The following BUB1B variants were observed in gnomAD, a reference collection of about 807,000 sequenced individuals.
The protein encoded by BUB1B is BUB1 mitotic checkpoint serine/threonine kinase B, also known as mitotic checkpoint serine/threonine-protein kinase BUB1 beta.
A neutral mutation model predicts 137.7 loss-of-function variants in BUB1B; 86 were observed. The ratio of observed to expected loss-of-function variants is 0.62; its 90% CI spans 0.52 to 0.75. BUB1B has a LOEUF of 0.75. Ranked by LOEUF, BUB1B falls within the 30% of genes least tolerant of loss-of-function variation. The pLI is 0.00. For synonymous variants in BUB1B, 420 were observed against 417.9 expected (o/e 1.00, Z -0.06); for missense variants, 1,130 against 1,236.9 (o/e 0.91, Z 1.30).
At chr15:40,182,341 G>A (rs1392613660) in intron 5 of BUB1B, among the ~76,000 whole-genome samples, 1 of 152,130 alleles carries the variant, frequency 6.6e-6, no homozygotes, top group Non-Finnish European at 1.5e-5. Context: ...TTGTACCCTG[G>A]ACATTTATCC....
chr15:40,169,104 C>T (rs2037132535), intron 2 of BUB1B, among the ~76,000 whole-genome samples: 1 of 152,106 alleles, frequency 6.6e-6, no homozygotes, highest in Non-Finnish European at 1.5e-5. Context: ...AATCATTATC[C>T]AAATTCTGGC....
chr15:40,162,041 G>C (rs1000283837), intron 1 of BUB1B, among the ~76,000 whole-genome samples: 2 of 152,182 alleles, frequency 1.3e-5, no homozygotes, highest in African/African-American at 4.8e-5. Flanking sequence ...CTGTTAGGTG[G>C]AGATGTGGTC....
At chr15:40,200,156 A>G (rs2037546674) in intron 10 of BUB1B, 88 bp from the exon 11 acceptor site, 1 of 886,424 alleles carries the variant, frequency 1.1e-6, no homozygotes, top group Admixed American at 2.0e-5. Context: ...ATGTCTAGGG[A>G]AAGAGTACAG....
At chr15:40,212,215 C>CAGTT (rs1396235449) in intron 18 of BUB1B, among the ~76,000 whole-genome samples, 1 of 152,194 alleles carries the variant, frequency 6.6e-6, no homozygotes, top group Admixed American at 6.5e-5. Context: ...TTGGTGCTGC[C>CAGTT]AGTTATATAG....
chr15:40,194,196 A>G (rs1484446759), intron 8 of BUB1B, among the ~76,000 whole-genome samples: 1 of 152,140 alleles, frequency 6.6e-6, no homozygotes, highest in Non-Finnish European at 1.5e-5. Flanking sequence ...GCAAATGGGT[A>G]AAATAGGTTG....
rs867656424 is a variant in BUB1B, at chr15:40,194,088, T to C, written c.1059-2457T>C. 9.9e-5 allele frequency among the ~76,000 whole-genome samples: 15 copies of C among 152,014 alleles called. 1 individual carries two copies. The Middle Eastern group carries it at 0.014, about 138-fold the overall frequency. On this transcript the variant is annotated intron_variant, in intron 8 of 22. Transcript: ENST00000287598. ...AAGTATTTTACTATTTTTGAAGCTATAGTAAATAGAATTGTTTTCTTAATT... is the reference window on the plus strand; with the variant it reads ...AAGTATTTTACTATTTTTGAAGCTACAGTAAATAGAATTGTTTTCTTAATT...
chr15:40,209,373 G>A (rs1029954582), intron 16 of BUB1B, among the ~76,000 whole-genome samples: 2 of 152,218 alleles, frequency 1.3e-5, no homozygotes, highest in South Asian at 2.1e-4. Context: ...GCAGTGAGCC[G>A]AGATGGCGCC....
chr15:40,206,503 C>G, intron 15 of BUB1B, 45 bp downstream of exon 15: 1 of 1,610,630 alleles, frequency 6.2e-7, no homozygotes, highest in Non-Finnish European at 8.5e-7. Context: ...TGTTTACTCT[C>G]TTATTCTGCA....
intron 9 of BUB1B, among the ~76,000 whole-genome samples, chr15:40,199,214 T>C (rs904330263): frequency 1.3e-5 from 2 of 152,212 alleles, no homozygotes; most frequent in African/African-American, 4.8e-5. Context: ...TCCATCTCCC[T>C]ACCCAGTCAA....
At chr15:40,174,855 T>G (rs1008050198) in intron 4 of BUB1B, among the ~76,000 whole-genome samples, 1 of 152,108 alleles carries the variant, frequency 6.6e-6, no homozygotes, top group Non-Finnish European at 1.5e-5. Context: ...TCCCAGCTAC[T>G]CGGGAGGCTG....
Position 40,201,070 on chromosome 15 carries a change from G to T in BUB1B, c.1567+90G>T, listed in dbSNP as rs1302384193. On this transcript the variant is annotated intron_variant, in intron 12 of 22. Transcript: ENST00000287598. The stretch of plus-strand genomic sequence containing the variant: ...TAAATATTTTTAATTATGATAAAGG[G>T]ATTGAAAGACAGGGGGACTAGGATA... 7 of 1,256,882 alleles carry T rather than the reference G, an allele frequency of 5.6e-6. No individual in the cohort carries two copies. The African/African-American group carries it at 6.0e-5, about 11-fold the overall frequency. The allele number at this position is 1,256,882 out of a possible 1,614,324, so 77.9% of individuals were successfully genotyped here. A position where few individuals can be genotyped will look rare whatever the true frequency, so the allele number is the denominator to read the frequency against.
intron 8 of BUB1B, among the ~76,000 whole-genome samples, chr15:40,187,450 G>T (rs2037381851): frequency 6.6e-6 from 1 of 151,902 alleles, no homozygotes; most frequent in Non-Finnish European, 1.5e-5. Flanking sequence ...AATTAGCTGG[G>T]TATGGTGGTG....
In BUB1B at chr15:40,183,913, CTG is replaced by C. The variant is rs373596965; in HGVS notation, c.751+32_751+33del. The C allele has an allele frequency of 1.9e-5, 31 of 1,607,736 alleles. No homozygotes were observed. In the African/African-American group the frequency reaches 3.8e-4, roughly 20 times the overall value. On this transcript the variant is annotated intron_variant, in intron 6 of 22. Transcript: ENST00000287598. ...GTTTGTTAAACGTTATTTCGGAAAA[CTG>C]TTAGTTTCTAGTGGTAAAATCATGT...
Position 40,208,728 on chromosome 15 carries a change from C to G in BUB1B, c.2101C>G (p.Leu701Val), listed in dbSNP as rs1431772304. 6.2e-7 allele frequency: 1 copy of G among 1,613,590 alleles called. No individual in the cohort carries two copies. Among genetic ancestry groups the G allele is most frequent in the Admixed American group, 1.7e-5 (1 of 60,010 alleles). ...TGCAAGCACCTCCTCCATCAAATGT[C>G]TTCAAATTCCTGAGAAACTAGAACT... ...SVASTSSIKC[L>V]QIPEKLELTN... is the part of the protein sequence containing the mutation. Residue 701 changes from leucine to valine, a missense_variant, in exon 16 of 23, where the codon CTT (leucine) becomes GTT (valine). Physicochemically the swap from Leu to Val is conservative, Grantham distance 32 (BLOSUM62 1). Transcript: ENST00000287598.
At chr15:40,198,726 G>A (rs2037528636) in intron 9 of BUB1B, among the ~76,000 whole-genome samples, 1 of 151,894 alleles carries the variant, frequency 6.6e-6, no homozygotes, top group South Asian at 2.1e-4. Flanking sequence ...AGACTTTTCA[G>A]TCACACTCCA....
chr15:40,200,789 CTTT>C, intron 11 of BUB1B, 139 bp from the exon 12 acceptor site: 1 of 712,582 alleles, frequency 1.4e-6, no homozygotes, highest in Non-Finnish European at 2.4e-6. Context: ...CTTCCATCTT[CTTT>C]AAGAGAATTT....
intron 18 of BUB1B, among the ~76,000 whole-genome samples, chr15:40,211,415 T>C (rs1215483348): frequency 1.3e-5 from 2 of 152,148 alleles, no homozygotes; most frequent in Non-Finnish European, 2.9e-5. Context: ...TGTAGGATGA[T>C]CTAGTTTGGC....
Position 40,196,679 on chromosome 15 carries a change from A to G in BUB1B, c.1193A>G (p.Tyr398Cys). 1.9e-6 allele frequency: 3 copies of G among 1,614,076 alleles called. No individual in the cohort carries two copies. The highest frequency in any genetic ancestry group is 2.5e-6 in the Non-Finnish European group (3 of 1,179,938). The part of the protein sequence containing the change: ...ASEEKKEKMM[Y>C]CKEKIYAGVG... The stretch of plus-strand genomic sequence containing the variant: ...GAGGAGAAGAAAGAGAAGATGATGT[A>G]TTGTAAGGAGAAGATTTATGCAGGA... The change falls in exon 9 of 23, where the codon TAT becomes TGT. Residue 398 changes from tyrosine (Y) to cysteine (C), a missense_variant. Coordinates refer to ENST00000287598, the MANE Select transcript of BUB1B (RefSeq NM_001211.6).
At chr15:40,204,870 A>G (rs951292302) in intron 14 of BUB1B, among the ~76,000 whole-genome samples, 7 of 151,600 alleles carry the variant, frequency 4.6e-5, no homozygotes, top group Non-Finnish European at 8.8e-5. Flanking sequence ...TCCTGTGCTC[A>G]AGTGATCTTC....
Sources: gnomAD v4.1 joint callset for allele counts (sites outside exome capture counted in the v4.1 genomes callset) on GRCh38, gnomAD v4.1.1 for gene constraint, MANE v1.5 for transcripts, NCBI Gene and HGNC (gene_info 2026-07-23, HGNC 2026-07-21) for gene names.